The following PTK2B variants were observed in gnomAD, a reference collection of about 807,000 sequenced individuals.
PTK2B encodes the protein protein tyrosine kinase 2 beta, also known as protein-tyrosine kinase 2-beta.
In PTK2B, 71 loss-of-function variants were observed where a neutral mutation model predicts 142.9. The ratio of observed to expected loss-of-function variants is 0.50; its 90% CI spans 0.41 to 0.61. The LOEUF (loss-of-function observed/expected upper bound fraction) is 0.61, where lower values mean the gene tolerates loss of function less well. Ranked by LOEUF, PTK2B falls within the 20% of genes least tolerant of loss-of-function variation. The pLI is 0.00. For missense variants in PTK2B, 1,105 were observed against 1,320.4 expected (o/e 0.84, Z 2.53); for synonymous variants, 519 against 503.4 (o/e 1.03, Z -0.42).
intron 1 of PTK2B, among the ~76,000 whole-genome samples, chr8:27,330,483 C>T (rs774883586): frequency 1.3e-5 from 2 of 152,144 alleles, no homozygotes; most frequent in African/African-American, 4.8e-5. Context: ...CTTTAGACAG[C>T]GAAGAGACTG....
chr8:27,343,563 C>T (rs11995321), intron 1 of PTK2B, among the ~76,000 whole-genome samples: 2,538 of 152,268 alleles, frequency 0.017, 74 homozygotes, highest in African/African-American at 0.057. Flanking sequence ...CATATCACCC[C>T]GGAGGGGATG....
chr8:27,422,495 A>T (rs965685085), intron 5 of PTK2B, 112 bp downstream of exon 5: 1 of 1,026,654 alleles, frequency 9.7e-7, no homozygotes, highest in Non-Finnish European at 1.4e-6. Flanking sequence ...GGAGCCAGGA[A>T]GGGGAGAGGT....
At chr8:27,326,386 T>C (rs1381425528) in intron 1 of PTK2B, among the ~76,000 whole-genome samples, 1 of 152,178 alleles carries the variant, frequency 6.6e-6, no homozygotes, top group Non-Finnish European at 1.5e-5. Context: ...TGGGTGAGCG[T>C]GGAGCGGCAT....
At chr8:27,361,943 G>A (rs761230497) in intron 1 of PTK2B, among the ~76,000 whole-genome samples, 59 of 152,154 alleles carry the variant, frequency 3.9e-4, no homozygotes, top group Non-Finnish European at 7.1e-4. Flanking sequence ...AGTCAGCCCT[G>A]CCCCGTGTGC....
intron 1 of PTK2B, among the ~76,000 whole-genome samples, chr8:27,351,877 G>A (rs149747384): frequency 1.1e-3 from 172 of 152,290 alleles, no homozygotes; most frequent in African/African-American, 3.8e-3. Flanking sequence ...CACTTCCCAC[G>A]TAGCCCATCC....
intron 6 of PTK2B, 101 bp from the exon 7 acceptor site, chr8:27,430,259 GCCGT>G: frequency 6.3e-7 from 1 of 1,580,752 alleles, no homozygotes; most frequent in Non-Finnish European, 8.7e-7. Context: ...GCCACATAGG[GCCGT>G]CTCTAGGTCC....
chr8:27,455,102 C>T (rs1041613502), intron 30 of PTK2B, among the ~76,000 whole-genome samples: 3 of 152,096 alleles, frequency 2.0e-5, no homozygotes, highest in Middle Eastern at 3.2e-3. Flanking sequence ...ATGTCCACAT[C>T]CTAAGCCCTG....
chr8:27,318,775 G>A (rs550793200), intron 3 of PTK2B, among the ~76,000 whole-genome samples: 4 of 152,094 alleles, frequency 2.6e-5, no homozygotes, highest in South Asian at 2.1e-4. Context: ...CTCAGCCTCC[G>A]GAGTAGCTGG....
At chr8:27,425,360 A>G (rs1216307810) in intron 5 of PTK2B, among the ~76,000 whole-genome samples, 3 of 152,148 alleles carry the variant, frequency 2.0e-5, no homozygotes, top group South Asian at 4.1e-4. Flanking sequence ...ACTTAGAGCA[A>G]CGACAGGGAC....
Position 27,430,841 on chromosome 8 carries a change from C to A in PTK2B, c.670-35C>A, listed in dbSNP as rs1377420662. ...GGGAAGGAGTGAGACCTGGGAGGAG[C>A]AGGCATTGCTCACACGGCCCATCCC... On this transcript the variant is annotated intron_variant, in intron 7 of 30. Coordinates refer to ENST00000346049, the MANE Select transcript of PTK2B (RefSeq NM_173176.3). The A allele has an allele frequency of 3.1e-6, 5 of 1,605,414 alleles. No homozygotes were observed. In the South Asian group the frequency reaches 5.5e-5, roughly 18 times the overall value.
intron 1 of PTK2B, among the ~76,000 whole-genome samples, chr8:27,340,945 C>T (rs1034365457): frequency 5.3e-5 from 8 of 152,190 alleles, no homozygotes; most frequent in African/African-American, 9.7e-5. Context: ...CTTGGCCAGG[C>T]GGGTAAGAAC....
At chr8:27,434,236 C>T in intron 12 of PTK2B, 104 bp downstream of exon 12, 1 of 1,416,452 alleles carries the variant, frequency 7.1e-7, no homozygotes, top group Non-Finnish European at 9.8e-7. Context: ...TTCTGGCTTT[C>T]AGGCCCAGGA....
At chr8:27,454,124 A>T in intron 28 of PTK2B, 30 bp from the exon 29 acceptor site, 1 of 1,613,448 alleles carries the variant, frequency 6.2e-7, no homozygotes, top group South Asian at 1.1e-5. Context: ...GCTCTCCCCA[A>T]CTCACTGGCC....
At chr8:27,378,943 G>A in intron 1 of PTK2B, among the ~76,000 whole-genome samples, 1 of 152,122 alleles carries the variant, frequency 6.6e-6, no homozygotes. Flanking sequence ...AAGAGCTAAA[G>A]GAAGAAAGGG....
chr8:27,364,860 A>T (rs1407584872), intron 1 of PTK2B, among the ~76,000 whole-genome samples: 1 of 152,132 alleles, frequency 6.6e-6, no homozygotes, highest in Non-Finnish European at 1.5e-5. Flanking sequence ...CCCCATCTTG[A>T]GTAAGACACT....
chr8:27,431,482 C>T lies in PTK2B; in HGVS notation c.885+10C>T. On this transcript the variant is annotated intron_variant, in intron 9 of 30. Coordinates refer to ENST00000346049, the MANE Select transcript of PTK2B (RefSeq NM_173176.3). ...TAGTCAGGACGCAAAGGTAGAGAGACCCGGGGCAGCCCCACCCAGCCCCAG... is the reference window on the plus strand; with the variant it reads ...TAGTCAGGACGCAAAGGTAGAGAGATCCGGGGCAGCCCCACCCAGCCCCAG... 1 of 1,613,776 alleles carries T rather than the reference C, an allele frequency of 6.2e-7. No individual in the cohort carries two copies. The highest frequency in any genetic ancestry group is 8.5e-7 in the Non-Finnish European group (1 of 1,180,002).
At chr8:27,317,215 A>G (rs1019996691) in intron 3 of PTK2B, among the ~76,000 whole-genome samples, 1 of 152,260 alleles carries the variant, frequency 6.6e-6, no homozygotes, top group African/African-American at 2.4e-5. Flanking sequence ...CTTATTGGCC[A>G]GAACTGGGTC....
At chr8:27,370,753 A>AGCC (rs574442782) in intron 1 of PTK2B, among the ~76,000 whole-genome samples, 80 of 152,280 alleles carry the variant, frequency 5.3e-4, no homozygotes, top group Middle Eastern at 3.4e-3. Flanking sequence ...CTCACTTCTC[A>AGCC]GCCTGTGCAT....
At chr8:27,457,997 AAG>A (rs35478858) in intron 30 of PTK2B, among the ~76,000 whole-genome samples, 36,868 of 111,576 alleles carry the variant, frequency 0.33, 5,100 homozygotes, top group African/African-American at 0.43. Context: ...AAAAAAAAAA[AAG>A]ATCAGATTCG....
Sources: allele counts gnomAD v4.1 joint callset (sites outside exome capture counted in the v4.1 genomes callset), GRCh38; gene constraint gnomAD v4.1.1; transcripts MANE v1.5; gene names NCBI Gene and HGNC (gene_info 2026-07-23, HGNC 2026-07-21).